Variants in CSRNP3 observed in about 807,000 individuals in gnomAD.
CSRNP3 encodes the protein cysteine and serine rich nuclear protein 3.
CSRNP3 carries 12 observed loss-of-function variants against 48.0 expected under a neutral mutation model. The observed-to-expected ratio is 0.25, with a 90% CI of 0.16 to 0.41. The LOEUF is 0.41. Ranked by LOEUF, CSRNP3 falls within the 10% of genes least tolerant of loss-of-function variation. CSRNP3 has a pLI of 1.00. For synonymous variants in CSRNP3, 263 were observed against 269.7 expected, an observed-to-expected ratio of 0.98 and a Z score of 0.24; for missense variants, 580 against 724.4, an observed-to-expected ratio of 0.80 and a Z score of 2.29.
chr2:165,492,934 T>TAA (rs374777311), intron 1 of CSRNP3, among the ~76,000 whole-genome samples: 25,080 of 90,356 alleles, frequency 0.28, 2,822 homozygotes, highest in African/African-American at 0.37. Flanking sequence ...TCAAATTCCC[T>TAA]AAAAAAAAAA....
intron 3 of CSRNP3, among the ~76,000 whole-genome samples, chr2:165,591,423 G>T (rs987663410): frequency 6.6e-6 from 1 of 152,218 alleles, no homozygotes; most frequent in Admixed American, 6.5e-5. Flanking sequence ...GCCTGGTGCA[G>T]AAATTTGCAT....
intron 4 of CSRNP3, among the ~76,000 whole-genome samples, chr2:165,652,392 G>A (rs1335247359): frequency 4.6e-5 from 7 of 151,626 alleles, no homozygotes; most frequent in Admixed American, 4.6e-4. Context: ...CCAGCTACTC[G>A]GGAGGCTGAG....
At chr2:165,476,440 A>G (rs1005339231) in intron 1 of CSRNP3, among the ~76,000 whole-genome samples, 1 of 152,260 alleles carries the variant, frequency 6.6e-6, no homozygotes, top group Non-Finnish European at 1.5e-5. Flanking sequence ...CGAATGAAAT[A>G]TCCTGATGAA....
intron 6 of CSRNP3, among the ~76,000 whole-genome samples, chr2:165,677,973 G>A (rs527453852): frequency 6.6e-6 from 1 of 152,190 alleles, no homozygotes; most frequent in South Asian, 2.1e-4. Flanking sequence ...GTATCTAATG[G>A]AATGGAGAGG....
chr2:165,577,498 C>A (rs1685471756), intron 3 of CSRNP3, among the ~76,000 whole-genome samples: 1 of 151,760 alleles, frequency 6.6e-6, no homozygotes, highest in Admixed American at 6.6e-5. Flanking sequence ...ATGCCAATAG[C>A]TGTCATGAAA....
Position 165,592,801 on chromosome 2 carries a change from C to CTTTTTTT in CSRNP3, c.-23-2242_-23-2241insTTTTTTT, listed in dbSNP as rs374516256. The stretch of plus-strand genomic sequence containing the variant: ...ACTGTGAGTCAATTAAACCTCTTTT[C>CTTTTTTT]ATTTTTTTTTTTTTTTTTGAGACGG... On this transcript the variant is annotated intron_variant, in intron 3 of 6. Transcript: ENST00000651982. Among the ~76,000 whole-genome samples, 5 of 133,444 alleles carry CTTTTTTT rather than the reference C, an allele frequency of 3.7e-5. 2 individuals are homozygous for CTTTTTTT. The highest frequency in any genetic ancestry group is 1.6e-5 in the Non-Finnish European group (1 of 63,128). The allele number at this position is 133,444 out of a possible 152,430, so 87.5% of individuals were successfully genotyped here.
intron 3 of CSRNP3, among the ~76,000 whole-genome samples, chr2:165,526,280 T>C (rs1464730292): frequency 6.6e-6 from 1 of 152,190 alleles, no homozygotes; most frequent in African/African-American, 2.4e-5. Context: ...GAGATTTTGA[T>C]CGGAAAATTT....
chr2:165,496,752 T>C (rs1045821231), intron 2 of CSRNP3, among the ~76,000 whole-genome samples: 16 of 152,010 alleles, frequency 1.1e-4, no homozygotes, highest in Non-Finnish European at 1.5e-5. Context: ...CATCTAGCAG[T>C]GCAGTGCAGT....
At chr2:165,534,345 C>T (rs1013898811) in intron 3 of CSRNP3, among the ~76,000 whole-genome samples, 7 of 151,902 alleles carry the variant, frequency 4.6e-5, no homozygotes, top group Admixed American at 4.6e-4. Flanking sequence ...GTGACGTCTG[C>T]TTTAGAAAGT....
At chr2:165,671,123 G>A (rs6747469) in intron 5 of CSRNP3, among the ~76,000 whole-genome samples, 11,158 of 152,214 alleles carry the variant, frequency 0.073, 770 homozygotes, top group African/African-American at 0.18. Context: ...CATACTGAAA[G>A]AGGAGTCAGG....
chr2:165,637,256 CTA>C lies in CSRNP3; in HGVS notation c.149-20504_149-20503del, dbSNP rs573994338. ...GCCTGTCACTAGGAAAGCTTGAGTTCTAACAAGGAAATGGAACGTGAATCCAA... is the reference window on the plus strand; with the variant it reads ...GCCTGTCACTAGGAAAGCTTGAGTTCACAAGGAAATGGAACGTGAATCCAA... On this transcript the variant is annotated intron_variant, in intron 4 of 6. Coordinates refer to ENST00000651982, the MANE Select transcript of CSRNP3 (RefSeq NM_001172173.2). Among the ~76,000 whole-genome samples the C allele has an allele frequency of 7.0e-4, 107 of 152,292 alleles. 1 individual carries two copies. The highest frequency in any genetic ancestry group is 2.5e-3 in the African/African-American group (104 of 41,566).
chr2:165,615,307 G>A (rs751712524), intron 4 of CSRNP3, among the ~76,000 whole-genome samples: 1 of 152,068 alleles, frequency 6.6e-6, no homozygotes, highest in Non-Finnish European at 1.5e-5. Flanking sequence ...ACTTTGGGAG[G>A]CCGAGTCGGG....
intron 4 of CSRNP3, among the ~76,000 whole-genome samples, chr2:165,606,809 GTAATTAA>G (rs1686036893): frequency 6.6e-6 from 1 of 152,090 alleles, no homozygotes; most frequent in Non-Finnish European, 1.5e-5. Flanking sequence ...TAGTATTTAT[GTAATTAA>G]AACACACACG....
chr2:165,621,680 T>C (rs1457617811), intron 4 of CSRNP3, among the ~76,000 whole-genome samples: 2 of 152,204 alleles, frequency 1.3e-5, no homozygotes, highest in Non-Finnish European at 2.9e-5. Context: ...GTTATCATTA[T>C]CCCTTTCTAT....
chr2:165,589,484 G>A (rs1439095455), intron 3 of CSRNP3, among the ~76,000 whole-genome samples: 1 of 152,180 alleles, frequency 6.6e-6, no homozygotes, highest in African/African-American at 2.4e-5. Context: ...TGTTTCATGG[G>A]TGTAGGTGTA....
At position 165,551,619 on chromosome 2, in the gene CSRNP3, C is replaced by T. The variant is rs151019694; in HGVS notation, c.-24+33658C>T. The stretch of plus-strand genomic sequence containing the variant: ...AGCTGTTCGCTGCTAAAATAGAAAG[C>T]TGGGAGAACAAAGTTGTATTCCCAG... On this transcript the variant is annotated intron_variant, in intron 3 of 6. Coordinates refer to ENST00000651982, the MANE Select transcript of CSRNP3 (RefSeq NM_001172173.2). 7.5e-3 allele frequency among the ~76,000 whole-genome samples: 1,140 copies of T among 152,274 alleles called. 11 individuals are homozygous for T. Among genetic ancestry groups the T allele is most frequent in the African/African-American group, 0.026 (1,066 of 41,546 alleles).
chr2:165,590,618 A>G (rs1036187477), intron 3 of CSRNP3, among the ~76,000 whole-genome samples: 1 of 152,180 alleles, frequency 6.6e-6, no homozygotes, highest in Admixed American at 6.5e-5. Context: ...TAATTGAATC[A>G]TGGAGGCCGT....
At chr2:165,666,102 GAAGA>G (rs1461620071) in intron 5 of CSRNP3, among the ~76,000 whole-genome samples, 16 of 94,340 alleles carry the variant, frequency 1.7e-4, no homozygotes, top group South Asian at 8.3e-4. Flanking sequence ...GGAGAGAGAG[GAAGA>G]AAGAAAGAGA....
At chr2:165,569,142 T>G (rs750942820) in intron 3 of CSRNP3, among the ~76,000 whole-genome samples, 6 of 152,106 alleles carry the variant, frequency 3.9e-5, no homozygotes, top group Non-Finnish European at 8.8e-5. Flanking sequence ...AATAAATGTT[T>G]GTTAAATTGA....
Sources: allele counts gnomAD v4.1 joint callset (sites outside exome capture counted in the v4.1 genomes callset), GRCh38; gene constraint gnomAD v4.1.1; transcripts MANE v1.5; gene names NCBI Gene and HGNC (gene_info 2026-07-23, HGNC 2026-07-21).